The following TMEM260 variants were observed in gnomAD, a reference collection of about 807,000 sequenced individuals.
The protein encoded by TMEM260 is transmembrane protein 260.
In TMEM260, 82 loss-of-function variants were observed where a neutral mutation model predicts 88.9. That is an observed-to-expected ratio of 0.92 (90% CI 0.77 to 1.11). The LOEUF (loss-of-function observed/expected upper bound fraction) is 1.11, where lower values mean the gene tolerates loss of function less well. TMEM260 is among the 50% of genes least tolerant of loss of function. The pLI is 0.00. For synonymous variants in TMEM260, 314 were observed against 309.3 expected, an observed-to-expected ratio of 1.02 and a Z score of -0.16; for missense variants, 902 against 853.4, an observed-to-expected ratio of 1.06 and a Z score of -0.71.
intron 2 of TMEM260, 65 bp from the exon 3 acceptor site, chr14:56,585,696 T>G: frequency 1.3e-6 from 2 of 1,504,400 alleles, no homozygotes; most frequent in Non-Finnish European, 1.8e-6. Context: ...ACTTTTCAAT[T>G]AAGGCCTGTG....
At chr14:56,638,634 GA>G (rs1206071792) in intron 15 of TMEM260, among the ~76,000 whole-genome samples, 2 of 152,014 alleles carry the variant, frequency 1.3e-5, no homozygotes, top group African/African-American at 4.8e-5. Context: ...ATGTTTACAA[GA>G]CAAATGAGGC....
chr14:56,622,342 CAAAAAAAAA>C (rs71448489), intron 11 of TMEM260, among the ~76,000 whole-genome samples: 1 of 87,264 alleles, frequency 1.1e-5, no homozygotes, highest in African/African-American at 4.9e-5. Flanking sequence ...GACTCCGTCT[CAAAAAAAAA>C]AAAAAAAAAA....
intron 3 of TMEM260, among the ~76,000 whole-genome samples, chr14:56,589,912 TCTTG>T (rs1324950233): frequency 6.6e-6 from 1 of 152,320 alleles, no homozygotes; most frequent in East Asian, 1.9e-4. Context: ...ATGCGGAATC[TCTTG>T]CTTAAGGGAC....
chr14:56,633,213 G>A (rs761341260), intron 13 of TMEM260, 42 bp downstream of exon 13: 3 of 1,488,328 alleles, frequency 2.0e-6, no homozygotes, highest in Admixed American at 4.5e-5. Flanking sequence ...AAACATAGCA[G>A]TTTTGAATAC....
At chr14:56,591,814 T>G (rs1885882650) in intron 3 of TMEM260, among the ~76,000 whole-genome samples, 1 of 152,216 alleles carries the variant, frequency 6.6e-6, no homozygotes, top group African/African-American at 2.4e-5. Context: ...AGTTGAATGT[T>G]TTCTTCCACA....
Position 56,585,889 on chromosome 14 carries a change from A to G in TMEM260, c.321A>G (p.Ser107=), listed in dbSNP as rs147933213. ...GCTTATTTGGAGCAGTAGCTGCATC[A>G]TTACTTTTTTTCACCGTTTTCAGGT... is the stretch of plus-strand genomic sequence containing the variant. The part of the protein sequence containing the change: ...LCGLFGAVAA[S]LLFFTVFRLS... The change falls in exon 3 of 16, where the codon TCA becomes TCG. Residue 107 remains serine (S), a synonymous_variant. Transcript: ENST00000261556. 4.7e-4 allele frequency: 750 copies of G among 1,612,282 alleles called. No homozygotes were observed. The highest frequency in any genetic ancestry group is 5.8e-4 in the Non-Finnish European group (680 of 1,179,342).
chr14:56,621,470 A>G (rs1887912281), intron 10 of TMEM260, 61 bp from the exon 11 acceptor site: 2 of 1,283,710 alleles, frequency 1.6e-6, no homozygotes, highest in South Asian at 1.5e-5. Context: ...AAATAAGCCT[A>G]GTCTTATTAA....
intron 3 of TMEM260, among the ~76,000 whole-genome samples, chr14:56,591,418 T>C (rs531546918): frequency 6.6e-6 from 1 of 152,376 alleles, no homozygotes; most frequent in East Asian, 1.9e-4. Context: ...CCTCATTCTG[T>C]TGACTTTAGT....
At chr14:56,625,201 C>T (rs984859643) in intron 11 of TMEM260, among the ~76,000 whole-genome samples, 181 bp from the exon 12 acceptor site, 5 of 152,110 alleles carry the variant, frequency 3.3e-5, no homozygotes, top group Admixed American at 6.5e-5. Context: ...ATAATAAAAT[C>T]CAAAGTTTAC....
Position 56,618,596 on chromosome 14 carries a change from G to A in TMEM260, c.1059G>A (p.Val353=), listed in dbSNP as rs749405692. ...DISKPLFMGV[V]ERFWMQSNAV... Reference sequence around the variant, plus strand: ...CTGGTTGCATGTCTCTTTCACAGGTGGAACGATTCTGGATGCAGAGCAATG... The same window carrying A: ...CTGGTTGCATGTCTCTTTCACAGGTAGAACGATTCTGGATGCAGAGCAATG... Residue 353 remains valine (V), a splice_region_variant and synonymous_variant, in exon 10 of 16, where the codon GTG becomes GTA. Transcript: ENST00000261556. 3.1e-6 allele frequency: 5 copies of A among 1,613,730 alleles called. No individual in the cohort carries two copies. The South Asian group carries it at 3.3e-5, about 11-fold the overall frequency.
chr14:56,621,647 G>T lies in TMEM260; in HGVS notation c.1343G>T (p.Arg448Leu). Residue 448 changes from arginine (R) to leucine (L), a missense_variant, in exon 11 of 16, where the codon CGT (arginine) becomes CTT (leucine). Coordinates refer to ENST00000261556, the MANE Select transcript of TMEM260 (RefSeq NM_017799.4). Reference sequence around the variant, plus strand: ...GGAGATTTGCCAGGAAATTCTCTCCGTTACATGCATTACTGTGAGGGGTTG... The same window carrying T: ...GGAGATTTGCCAGGAAATTCTCTCCTTTACATGCATTACTGTGAGGGGTTG... ...LRGDLPGNSLRYMHYCEGLRP... is the reference protein window; with the variant it reads ...LRGDLPGNSLLYMHYCEGLRP... 2 of 1,613,222 alleles carry T rather than the reference G, an allele frequency of 1.2e-6. No homozygotes were observed. The highest frequency in any genetic ancestry group is 1.7e-4 in the Middle Eastern group (1 of 6,058).
intron 3 of TMEM260, among the ~76,000 whole-genome samples, chr14:56,596,794 A>AAAAAATATATATATAT (rs59623466): frequency 1.5e-5 from 2 of 136,298 alleles, no homozygotes; most frequent in African/African-American, 5.6e-5. Context: ...TAAAAAAAAA[A>AAAAAATATATATATAT]ATATATATAT....
In TMEM260 at chr14:56,621,550, A is replaced by T. The variant is rs1259000905; in HGVS notation, c.1246A>T (p.Asn416Tyr). 1 of 1,607,726 alleles carries T rather than the reference A, an allele frequency of 6.2e-7. No homozygotes were observed. Among genetic ancestry groups the T allele is most frequent in the Admixed American group, 1.7e-5 (1 of 58,840 alleles). ...ATTTAGTGTTTGTGACCAAAGGACCAACTATGTGATTGATAAGTTCGCAAA... is the reference window on the plus strand; with the variant it reads ...ATTTAGTGTTTGTGACCAAAGGACCTACTATGTGATTGATAAGTTCGCAAA... ...SNYSVCDQRTNYVIDKFAKNL... is the reference protein window; with the variant it reads ...SNYSVCDQRTYYVIDKFAKNL... The change falls in exon 11 of 16, where the codon AAC (asparagine) becomes TAC (tyrosine). Residue 416 changes from asparagine (N) to tyrosine (Y), a missense_variant. Asn to Tyr is a moderately radical substitution (Grantham distance 143). Transcript: ENST00000261556.
chr14:56,582,363 G>C (rs1186339118), intron 1 of TMEM260, among the ~76,000 whole-genome samples: 1 of 152,080 alleles, frequency 6.6e-6, no homozygotes, highest in East Asian at 1.9e-4. Flanking sequence ...TCGGGGAGGG[G>C]GTAGGAATCT....
chr14:56,638,585 T>C (rs189132764), intron 15 of TMEM260, among the ~76,000 whole-genome samples: 155 of 152,210 alleles, frequency 1.0e-3, no homozygotes, highest in Non-Finnish European at 1.8e-3. Flanking sequence ...ATACAGATTA[T>C]TGGTATCTCC....
chr14:56,631,995 G>T (rs942979440), intron 12 of TMEM260, among the ~76,000 whole-genome samples: 1 of 152,186 alleles, frequency 6.6e-6, no homozygotes, highest in Non-Finnish European at 1.5e-5. Flanking sequence ...GCTCATGCCT[G>T]ACTAGCTACC....
intron 11 of TMEM260, 132 bp from the exon 12 acceptor site, chr14:56,625,250 G>A (rs1482680050): frequency 4.9e-6 from 4 of 818,168 alleles, no homozygotes. Context: ...TCTCAGTTGT[G>A]CTTATATTTT....
At chr14:56,642,266 C>G (rs1005536536) in intron 15 of TMEM260, among the ~76,000 whole-genome samples, 25 of 152,116 alleles carry the variant, frequency 1.6e-4, no homozygotes, top group Non-Finnish European at 3.2e-4. Context: ...AAGTAAAGCA[C>G]TCCTCAGCAA....
At chr14:56,651,997 C>T (rs750054696), downstream of TMEM260, among the ~76,000 whole-genome samples, 1 of 152,202 alleles carries the variant, frequency 6.6e-6, no homozygotes, top group East Asian at 1.9e-4. Context: ...TGATATTTCT[C>T]TCAGCTAAAT....
Sources: allele counts gnomAD v4.1 joint callset (sites outside exome capture counted in the v4.1 genomes callset), GRCh38; gene constraint gnomAD v4.1.1; transcripts MANE v1.5; gene names NCBI Gene and HGNC (gene_info 2026-07-23, HGNC 2026-07-21).